Variants in CEP85L observed in about 807,000 individuals in gnomAD.
The protein encoded by CEP85L is centrosomal protein 85L.
CEP85L carries 60 observed loss-of-function variants against 100.3 expected under a neutral mutation model. That is an observed-to-expected ratio of 0.60 (90% CI 0.49 to 0.74). The LOEUF (loss-of-function observed/expected upper bound fraction) is 0.74, where lower values mean the gene tolerates loss of function less well. CEP85L is among the 30% of genes least tolerant of loss of function. CEP85L has a pLI of 0.00. For missense variants in CEP85L, 973 were observed against 936.2 expected, an observed-to-expected ratio of 1.04 and a Z score of -0.51; for synonymous variants, 319 against 322.7, an observed-to-expected ratio of 0.99 and a Z score of 0.12.
chr6:118,490,760 AATAG>A (rs1774501423), intron 6 of CEP85L, among the ~76,000 whole-genome samples: 2 of 152,186 alleles, frequency 1.3e-5, no homozygotes, highest in South Asian at 4.1e-4. Flanking sequence ...ACTACTCAGC[AATAG>A]ATAGAAACTG....
At chr6:118,578,822 C>A (rs1180431480) in intron 2 of CEP85L, among the ~76,000 whole-genome samples, 1 of 152,176 alleles carries the variant, frequency 6.6e-6, no homozygotes, top group African/African-American at 2.4e-5. Flanking sequence ...AAGTAAATTG[C>A]CTTGCTGAGA....
chr6:118,589,557 C>T (rs925470416), intron 2 of CEP85L: 52 of 261,284 alleles, frequency 2.0e-4, no homozygotes, highest in Admixed American at 3.2e-4. Context: ...AGGGGGAACA[C>T]GTCTGGACCC....
intron 3 of CEP85L, among the ~76,000 whole-genome samples, chr6:118,561,292 T>G (rs1427658308): frequency 6.6e-6 from 1 of 152,188 alleles, no homozygotes; most frequent in South Asian, 2.1e-4. Context: ...TAAAAACAAG[T>G]GGAAAATTTG....
intron 2 of CEP85L, among the ~76,000 whole-genome samples, chr6:118,590,538 C>T (rs183319256): frequency 2.6e-5 from 4 of 152,072 alleles, no homozygotes; most frequent in Admixed American, 6.5e-5. Context: ...CTTTTTTTGG[C>T]GGGTTAAGTG....
At chr6:118,705,950 T>C (rs79708095) in intron 1 of CEP85L, among the ~76,000 whole-genome samples, 1,799 of 152,348 alleles carry the variant, frequency 0.012, 29 homozygotes, top group African/African-American at 0.042. Context: ...AGGCCTTTCC[T>C]GCTAAGCCCG....
chr6:118,467,795 C>A (rs1017565325), intron 12 of CEP85L, among the ~76,000 whole-genome samples: 7 of 152,168 alleles, frequency 4.6e-5, no homozygotes, highest in African/African-American at 1.7e-4. Context: ...TCCATGTTCA[C>A]CAGGCAAACT....
intron 4 of CEP85L, among the ~76,000 whole-genome samples, chr6:118,522,661 T>C (rs1053324292): frequency 6.6e-6 from 1 of 152,142 alleles, no homozygotes; most frequent in African/African-American, 2.4e-5. Context: ...GTGGATCACT[T>C]GAGGCCAGGA....
intron 1 of CEP85L, among the ~76,000 whole-genome samples, chr6:118,704,667 C>T (rs1583275820): frequency 6.6e-6 from 1 of 152,190 alleles, no homozygotes; most frequent in African/African-American, 2.4e-5. Flanking sequence ...GACAGGGTTT[C>T]ACCACGTTGG....
rs1390731768 is a variant in CEP85L, at chr6:118,566,099, G to C, written c.450C>G (p.Phe150Leu). 6.2e-7 allele frequency: 1 copy of C among 1,614,186 alleles called. No individual in the cohort carries two copies. Among genetic ancestry groups the C allele is most frequent in the Admixed American group, 1.7e-5 (1 of 60,022 alleles). ...EQDSSLDMKD[F>L]RPLRKWSSLS... ...AAGATGACCATTTCCGAAGTGGCCG[G>C]AAGTCCTTCATGTCTAGGGAAGAGT... Residue 150 changes from phenylalanine to leucine, a missense_variant, in exon 3 of 13, where the codon TTC becomes TTG. Physicochemically the swap from Phe to Leu is conservative, Grantham distance 22 (BLOSUM62 0). This residue lies in a region of CEP85L where 890 missense variants were observed against 844.5 expected (regional missense o/e 1.05). Transcript: ENST00000368491.
chr6:118,520,988 TCTC>T (rs1306658067), intron 4 of CEP85L, among the ~76,000 whole-genome samples: 1 of 152,114 alleles, frequency 6.6e-6, no homozygotes, highest in Non-Finnish European at 1.5e-5. Flanking sequence ...AATAATCCAG[TCTC>T]CTCCTATGAA....
intron 1 of CEP85L, among the ~76,000 whole-genome samples, chr6:118,649,930 T>C (rs117094924): frequency 0.014 from 2,203 of 152,294 alleles, 20 homozygotes; most frequent in Non-Finnish European, 0.019. Context: ...AAACCACACA[T>C]CACAAATATC....
intron 1 of CEP85L, among the ~76,000 whole-genome samples, chr6:118,681,615 G>C (rs1370028648): frequency 6.6e-6 from 1 of 151,776 alleles, no homozygotes; most frequent in Non-Finnish European, 1.5e-5. Flanking sequence ...GACTTCCCTC[G>C]AAATTTTCCT....
At chr6:118,628,335 T>C (rs1193289088) in intron 2 of CEP85L, among the ~76,000 whole-genome samples, 2 of 152,050 alleles carry the variant, frequency 1.3e-5, no homozygotes, top group Non-Finnish European at 2.9e-5. Context: ...AGACGGATAA[T>C]GTAAGCCGAG....
intron 1 of CEP85L, among the ~76,000 whole-genome samples, chr6:118,681,308 G>A (rs1776650265): frequency 6.6e-6 from 1 of 152,074 alleles, no homozygotes; most frequent in Admixed American, 6.5e-5. Context: ...TCTGTGCTGA[G>A]GTATTCTCTG....
chr6:118,642,723 G>A (rs1774957253), intron 1 of CEP85L, among the ~76,000 whole-genome samples: 1 of 152,030 alleles, frequency 6.6e-6, no homozygotes, highest in African/African-American at 2.4e-5. Flanking sequence ...AGACCAGCCT[G>A]GCCAACACGG....
At chr6:118,585,516 A>G (rs1780805783) in intron 2 of CEP85L, among the ~76,000 whole-genome samples, 1 of 152,172 alleles carries the variant, frequency 6.6e-6, no homozygotes, top group African/African-American at 2.4e-5. Context: ...AGGCTCCATG[A>G]GAGAAATTAA....
intron 1 of CEP85L, among the ~76,000 whole-genome samples, chr6:118,641,952 T>G (rs1334651): frequency 0.98 from 149,259 of 152,228 alleles, 73,235 homozygotes; most frequent in East Asian, 1. Context: ...GTTCAATATG[T>G]AGAGGGCATA....
intron 5 of CEP85L, among the ~76,000 whole-genome samples, chr6:118,504,145 A>G (rs1775492729): frequency 6.6e-6 from 1 of 152,146 alleles, no homozygotes; most frequent in Non-Finnish European, 1.5e-5. Context: ...TGGCCGAGGC[A>G]GGCGGATCAC....
chr6:118,657,631 C>CACG (rs1775841606), intron 1 of CEP85L, among the ~76,000 whole-genome samples: 1 of 152,092 alleles, frequency 6.6e-6, no homozygotes, highest in African/African-American at 2.4e-5. Flanking sequence ...GAAAGACAGA[C>CACG]ACGACAGTTT....
Sources: allele counts gnomAD v4.1 joint callset (sites outside exome capture counted in the v4.1 genomes callset), GRCh38; gene constraint gnomAD v4.1.1; regional missense constraint gnomAD v4.1.1; transcripts MANE v1.5; gene names NCBI Gene and HGNC (gene_info 2026-07-23, HGNC 2026-07-21).